RIMS2: variants seen among roughly 807,000 people sequenced by gnomAD.
RIMS2 encodes regulating synaptic membrane exocytosis protein 2.
In RIMS2, 59 loss-of-function variants were observed where a neutral mutation model predicts 174.4. The ratio of observed to expected loss-of-function variants is 0.34; its 90% CI spans 0.27 to 0.42. The LOEUF (loss-of-function observed/expected upper bound fraction) is 0.42, where lower values mean the gene tolerates loss of function less well. Among genes scored for constraint, RIMS2 ranks in the 10% least tolerant of loss-of-function variants. The pLI is 1.00. For synonymous variants in RIMS2, 606 were observed against 572.5 expected, an observed-to-expected ratio of 1.06 and a Z score of -0.84; for missense variants, 1,620 against 1,666.3, an observed-to-expected ratio of 0.97 and a Z score of 0.48.
chr8:104,098,362 C>T (rs1179115968), intron 19 of RIMS2, among the ~76,000 whole-genome samples: 1 of 152,010 alleles, frequency 6.6e-6, no homozygotes, highest in Admixed American at 6.6e-5. Context: ...ATTAAAATGT[C>T]ATCGGGATGG....
chr8:104,075,376 C>T (rs897957586), intron 19 of RIMS2, among the ~76,000 whole-genome samples: 2 of 152,188 alleles, frequency 1.3e-5, no homozygotes, highest in African/African-American at 4.8e-5. Context: ...AAGCAATCTA[C>T]TGTTTCATGA....
chr8:104,213,791 C>G (rs192171878), intron 19 of RIMS2, among the ~76,000 whole-genome samples: 1 of 122,598 alleles, frequency 8.2e-6, no homozygotes, highest in Admixed American at 8.8e-5. Flanking sequence ...GCAGGGGAAT[C>G]GCTTGAACCC....
intron 19 of RIMS2, among the ~76,000 whole-genome samples, chr8:104,167,048 A>G (rs766479548): frequency 1.3e-5 from 2 of 152,188 alleles, no homozygotes; most frequent in African/African-American, 4.8e-5. Flanking sequence ...TTTGTTCCAT[A>G]TCTTTGCCAT....
rs1160211166 is a variant in RIMS2, at chr8:104,211,232, A to G, written c.3335-33684A>G. ...GAATAAAATATAAACAAAGACATTTATAAATATACCTTGCAATAATATTTA... is the reference window on the plus strand; with the variant it reads ...GAATAAAATATAAACAAAGACATTTGTAAATATACCTTGCAATAATATTTA... On this transcript the variant is annotated intron_variant, in intron 19 of 23. Coordinates refer to ENST00000504942, the Ensembl canonical transcript of RIMS2. Among the ~76,000 whole-genome samples the G allele has an allele frequency of 4.6e-5, 7 of 152,204 alleles. No individual in the cohort carries two copies. The East Asian group carries it at 1.2e-3, about 25-fold the overall frequency.
chr8:103,824,377 C>G (rs544357653), intron 3 of RIMS2, among the ~76,000 whole-genome samples: 25 of 152,212 alleles, frequency 1.6e-4, no homozygotes, highest in African/African-American at 6.0e-4. Context: ...GGCTTTCTTC[C>G]TATCCATGTA....
intron 2 of RIMS2, among the ~76,000 whole-genome samples, chr8:103,750,850 T>C (rs1367959214): frequency 1.3e-5 from 2 of 152,138 alleles, no homozygotes; most frequent in Non-Finnish European, 2.9e-5. Context: ...CTTGTCTTTA[T>C]AAATTACCCA....
At chr8:103,984,675 A>C (rs1033006389) in intron 16 of RIMS2, among the ~76,000 whole-genome samples, 6 of 152,248 alleles carry the variant, frequency 3.9e-5, no homozygotes, top group Non-Finnish European at 8.8e-5. Flanking sequence ...GAGCTACCAT[A>C]TGATCCACTA....
At chr8:103,993,883 A>T (rs1565735344) in intron 17 of RIMS2, among the ~76,000 whole-genome samples, 1 of 151,850 alleles carries the variant, frequency 6.6e-6, no homozygotes. Context: ...CAAAAAATAA[A>T]AAATAAATAA....
intron 1 of RIMS2, among the ~76,000 whole-genome samples, chr8:103,526,010 G>A (rs1833815523): frequency 6.6e-6 from 1 of 152,238 alleles, no homozygotes; most frequent in Non-Finnish European, 1.5e-5. Context: ...TGCATTTGAA[G>A]CCTCTTTCTA....
chr8:104,019,731 T>G (rs2096036031), intron 19 of RIMS2, among the ~76,000 whole-genome samples: 1 of 152,164 alleles, frequency 6.6e-6, no homozygotes, highest in Non-Finnish European at 1.5e-5. Flanking sequence ...TGCAATAATT[T>G]AGGAATTGCA....
At chr8:103,592,077 G>A (rs527673211) in intron 1 of RIMS2, among the ~76,000 whole-genome samples, 2 of 151,110 alleles carry the variant, frequency 1.3e-5, no homozygotes, top group African/African-American at 4.8e-5. Context: ...CAGAATCTTA[G>A]GACATGTTGC....
intron 19 of RIMS2, among the ~76,000 whole-genome samples, chr8:104,104,074 A>AAAAC (rs2097973998): frequency 6.6e-6 from 1 of 152,202 alleles, no homozygotes; most frequent in Non-Finnish European, 1.5e-5. Flanking sequence ...TGAAAAAGGA[A>AAAAC]AAACAAATAT....
At chr8:103,510,836 A>G (rs2131078915) in intron 1 of RIMS2, among the ~76,000 whole-genome samples, 1 of 152,232 alleles carries the variant, frequency 6.6e-6, no homozygotes, top group South Asian at 2.1e-4. Context: ...CATATAAGGA[A>G]ACATATTTAT....
At chr8:104,108,195 G>C (rs921456974) in intron 19 of RIMS2, among the ~76,000 whole-genome samples, 9 of 151,966 alleles carry the variant, frequency 5.9e-5, no homozygotes, top group Admixed American at 2.0e-4. Flanking sequence ...GCATGAGTTT[G>C]CTTAATGTTT....
chr8:104,015,161 T>C (rs1381972149), intron 19 of RIMS2, among the ~76,000 whole-genome samples: 1 of 152,218 alleles, frequency 6.6e-6, no homozygotes, highest in African/African-American at 2.4e-5. Context: ...CAAACATCTA[T>C]AAATTCTTGG....
intron 1 of RIMS2, among the ~76,000 whole-genome samples, chr8:103,579,971 A>C (rs946519333): frequency 1.4e-4 from 22 of 152,156 alleles, no homozygotes; most frequent in African/African-American, 4.8e-4. Flanking sequence ...CTCACTCACT[A>C]TCATGAGAAC....
In RIMS2 at chr8:104,111,740, T is replaced by C. The variant is rs1204475226; in HGVS notation, c.3334+97125T>C. Among the ~76,000 whole-genome samples, 3 of 152,148 alleles carry C rather than the reference T, an allele frequency of 2.0e-5. No homozygotes were observed. In the East Asian group the frequency reaches 5.8e-4, roughly 29 times the overall value. On this transcript the variant is annotated intron_variant, in intron 19 of 23. Coordinates refer to ENST00000504942, the Ensembl canonical transcript of RIMS2. ...CTATCTGTCTGTCTTTTTCTATGCT[T>C]CCAACAATACGTTGGCTTGGAAACA...
chr8:103,681,626 G>A (rs1167951601), intron 1 of RIMS2, among the ~76,000 whole-genome samples: 1 of 152,016 alleles, frequency 6.6e-6, no homozygotes, highest in Non-Finnish European at 1.5e-5. Context: ...AAAGAAAAAG[G>A]ATTGAAAGAA....
chr8:104,148,456 A>G, intron 19 of RIMS2, 151 bp from the exon 25 acceptor site: 2 of 704,546 alleles, frequency 2.8e-6, no homozygotes, highest in South Asian at 2.1e-5. Context: ...AAGCACAATC[A>G]AGACCATGGT....
Sources: gnomAD v4.1 joint callset for allele counts (sites outside exome capture counted in the v4.1 genomes callset) on GRCh38, gnomAD v4.1.1 for gene constraint, MANE v1.5 for transcripts, NCBI Gene and HGNC (gene_info 2026-07-23, HGNC 2026-07-21) for gene names.